Variants in C9orf43 observed in about 807,000 individuals in gnomAD.
The protein encoded by C9orf43 is chromosome 9 open reading frame 43, also known as uncharacterized protein C9orf43.
C9orf43 carries 45 observed loss-of-function variants against 59.1 expected under a neutral mutation model. That is an observed-to-expected ratio of 0.76 (90% CI 0.60 to 0.98). The LOEUF is 0.98. Ranked by LOEUF, C9orf43 falls within the 50% of genes least tolerant of loss-of-function variation. The pLI is 0.00. For missense variants in C9orf43, 533 were observed against 554.9 expected (o/e 0.96, Z 0.40); for synonymous variants, 203 against 196.8 (o/e 1.03, Z -0.26).
In C9orf43 at chr9:113,421,123, T is replaced by C. The variant is rs1172910779; in HGVS notation, c.366T>C (p.Asn122=). 1 of 1,613,726 alleles carries C rather than the reference T, an allele frequency of 6.2e-7. No homozygotes were observed. The highest frequency in any genetic ancestry group is 1.3e-5 in the African/African-American group (1 of 75,006). The stretch of plus-strand genomic sequence containing the variant: ...CTTAGTTTCCAGTGTTGAATTTGAA[T>C]GAGACGCAACTTCCCTGCCCTGAAG... ...RLPKFPVLNL[N]ETQLPCPEDV... is the part of the protein sequence containing the mutation. The change falls in exon 5 of 14, where the codon AAT becomes AAC. Residue 122 remains asparagine, a synonymous_variant. Coordinates refer to ENST00000374165, the MANE Select transcript of C9orf43 (RefSeq NM_001278629.2).
In C9orf43 at chr9:113,413,089, TG is replaced by T. The variant is rs544142188; in HGVS notation, c.-49-354del. 8.5e-5 allele frequency among the ~76,000 whole-genome samples: 13 copies of T among 152,350 alleles called. No homozygotes were observed. In the East Asian group the frequency reaches 2.3e-3, roughly 27 times the overall value. On this transcript the variant is annotated intron_variant, in intron 1 of 13. Transcript: ENST00000374165. Reference sequence around the variant, plus strand: ...AAAGGAAAGGATGCAAATATTTATTTGGAACAATATGCCAGGCTTTTAATAT... The same window carrying T: ...AAAGGAAAGGATGCAAATATTTATTTGAACAATATGCCAGGCTTTTAATAT...
chr9:113,414,351 T>G (rs1828280610), intron 3 of C9orf43, among the ~76,000 whole-genome samples: 1 of 152,056 alleles, frequency 6.6e-6, no homozygotes, highest in African/African-American at 2.4e-5. Flanking sequence ...CATAGCTCAC[T>G]GCAGCCTCAA....
chr9:113,425,960 G>T (rs112164673), intron 11 of C9orf43, among the ~76,000 whole-genome samples: 6,080 of 152,284 alleles, frequency 0.04, 168 homozygotes, highest in South Asian at 0.1. Context: ...GGGCTTGAAA[G>T]ATGACCATGA....
chr9:113,425,786 T>C, intron 11 of C9orf43, 56 bp downstream of exon 11: 1 of 1,386,886 alleles, frequency 7.2e-7, no homozygotes, highest in Non-Finnish European at 1.0e-6. Context: ...GGTAGGTATC[T>C]GAGGGCAGGA....
intron 4 of C9orf43, chr9:113,420,713 T>C: frequency 1.0e-6 from 1 of 970,822 alleles, no homozygotes; most frequent in Non-Finnish European, 1.2e-6. Context: ...CTTCTGTTTC[T>C]ATCAGTTCTC....
At chr9:113,428,807 T>C in intron 12 of C9orf43, 93 bp from the exon 13 acceptor site, 1 of 1,106,658 alleles carries the variant, frequency 9.0e-7, no homozygotes, top group Non-Finnish European at 1.4e-6. Flanking sequence ...TCATCTTAGA[T>C]GTTAATTTCT....
At chr9:113,414,099 G>T (rs1224340680) in intron 3 of C9orf43, among the ~76,000 whole-genome samples, 1 of 152,142 alleles carries the variant, frequency 6.6e-6, no homozygotes, top group East Asian at 1.9e-4. Context: ...GAGGTATATT[G>T]GTTCGGTAGG....
chr9:113,419,171 T>C lies in C9orf43; in HGVS notation c.345+6T>C. 11 of 1,601,850 alleles carry C rather than the reference T, an allele frequency of 6.9e-6. No individual in the cohort carries two copies. Among genetic ancestry groups the C allele is most frequent in the Non-Finnish European group, 9.4e-6 (11 of 1,173,200 alleles). On this transcript the variant is annotated splice_donor_region_variant and intron_variant, in intron 4 of 13. Transcript: ENST00000374165. Reference sequence around the variant, plus strand: ...GTACTAACAGACTTCCCAAAGTAAGTCATAGATTTTAAAAGTACTTCTTCA... The same window carrying C: ...GTACTAACAGACTTCCCAAAGTAAGCCATAGATTTTAAAAGTACTTCTTCA...
At chr9:113,416,321 C>T (rs1358178725) in intron 3 of C9orf43, among the ~76,000 whole-genome samples, 1 of 152,218 alleles carries the variant, frequency 6.6e-6, no homozygotes, top group Non-Finnish European at 1.5e-5. Flanking sequence ...TCAAACCTCC[C>T]AACTCTAGAC....
At chr9:113,416,063 A>G (rs1046001896) in intron 3 of C9orf43, among the ~76,000 whole-genome samples, 1 of 152,162 alleles carries the variant, frequency 6.6e-6, no homozygotes, top group Non-Finnish European at 1.5e-5. Flanking sequence ...TGCCTCCTCT[A>G]GTCATTTCCC....
In C9orf43 at chr9:113,423,497, G is replaced by A. The variant is rs200549177; in HGVS notation, c.655G>A (p.Glu219Lys). Residue 219 changes from glutamate (E) to lysine (K), a missense_variant and splice_region_variant, in exon 7 of 14, where the codon GAA becomes AAA. By Grantham distance (56) the Glu-to-Lys change is moderately conservative. Coordinates refer to ENST00000374165, the MANE Select transcript of C9orf43 (RefSeq NM_001278629.2). Reference protein sequence around the residue: ...SEALPQDLLKELLPGGKQTML... With the variant: ...SEALPQDLLKKLLPGGKQTML... ...AGCGTTACCTCAGGATCTACTGAAG[G>A]AGTAAGTATCATGTAGGTCTGTGGG... is the stretch of plus-strand genomic sequence containing the variant. The A allele has an allele frequency of 9.3e-6, 15 of 1,612,168 alleles. No homozygotes were observed. Among genetic ancestry groups the A allele is most frequent in the African/African-American group, 1.3e-5 (1 of 75,002 alleles).
In C9orf43 at chr9:113,421,054, A is replaced by C. The variant is rs1489689897; in HGVS notation, c.346-49A>C. The C allele has an allele frequency of 2.1e-6, 3 of 1,404,084 alleles. No individual in the cohort carries two copies. The Admixed American group carries it at 5.1e-5, about 24-fold the overall frequency. 87.0% of individuals were successfully genotyped at this position (1,404,084 alleles called of 1,614,324 possible). On this transcript the variant is annotated intron_variant, in intron 4 of 13. Coordinates refer to ENST00000374165, the MANE Select transcript of C9orf43 (RefSeq NM_001278629.2). ...GCTTAGCATATCCTTAATCTGATATAGGAGCTTAGCACCTCAAGCCATACA... is the reference window on the plus strand; with the variant it reads ...GCTTAGCATATCCTTAATCTGATATCGGAGCTTAGCACCTCAAGCCATACA...
At position 113,428,908 on chromosome 9, in the gene C9orf43, GGA is replaced by G. The variant is rs1258301735; in HGVS notation, c.1121_1122del (p.Arg374ThrfsTer7). The G allele has an allele frequency of 1.1e-5, 17 of 1,613,472 alleles. No individual in the cohort carries two copies. The highest frequency in any genetic ancestry group is 1.3e-5 in the Non-Finnish European group (15 of 1,179,586). ...KGTTSKQDSTERPKMNYYDHA... is the reference protein window; with the variant it reads ...KGTTSKQDSTXRPKMNYYDHA... The stretch of plus-strand genomic sequence containing the variant: ...ACCCCAATGAATTTCAGGATTCCAC[GGA>G]GAGACCAAAGATGAACTACTATGAC... On this transcript the variant is annotated frameshift_variant, in exon 13 of 14. Transcript: ENST00000374165. LOFTEE classifies it high-confidence loss of function.
chr9:113,425,450 C>T (rs1468498931), intron 10 of C9orf43, 30 bp downstream of exon 10: 4 of 1,599,702 alleles, frequency 2.5e-6, no homozygotes, highest in East Asian at 4.5e-5. Context: ...CTTGCTGGGA[C>T]TGGGAGAGGT....
chr9:113,425,241 G>A (rs1828743224), intron 9 of C9orf43, 103 bp from the exon 10 acceptor site: 2 of 1,558,740 alleles, frequency 1.3e-6, no homozygotes. Context: ...CTCTGGCTTG[G>A]TCCTTACCAG....
intron 13 of C9orf43, 45 bp downstream of exon 13, chr9:113,429,008 G>A (rs1828891893): frequency 6.4e-7 from 1 of 1,560,014 alleles, no homozygotes; most frequent in Non-Finnish European, 8.8e-7. Flanking sequence ...ACTGAGGATA[G>A]GGAGAGTTGA....
At chr9:113,422,808 T>C (rs1052153784) in intron 6 of C9orf43, among the ~76,000 whole-genome samples, 2 of 152,060 alleles carry the variant, frequency 1.3e-5, no homozygotes, top group Non-Finnish European at 2.9e-5. Context: ...CTTGAGATAA[T>C]AGGAGGAACT....
At chr9:113,424,004 G>A (rs549362381) in intron 7 of C9orf43, among the ~76,000 whole-genome samples, 162 bp from the exon 8 acceptor site, 52 of 152,184 alleles carry the variant, frequency 3.4e-4, no homozygotes, top group Non-Finnish European at 4.7e-4. Flanking sequence ...TATGATGATC[G>A]TAGTTGCATC....
At position 113,411,017 on chromosome 9, in the gene C9orf43, GTTAT is replaced by G. The variant is rs1460769817; in HGVS notation, c.-50+20_-50+23del. 3.1e-5 allele frequency: 31 copies of G among 985,276 alleles called. No individual in the cohort carries two copies. The highest frequency in any genetic ancestry group is 1.8e-4 in the Admixed American group (3 of 16,252). 61.0% of individuals were successfully genotyped at this position (985,276 alleles called of 1,614,324 possible). A position where few individuals can be genotyped will look rare whatever the true frequency, so the allele number is the denominator to read the frequency against. ...TGTAATAATGGTACTAAGACTGAGT[GTTAT>G]TTAGATTTTATTGTTGTTGTTTGTG... On this transcript the variant is annotated intron_variant, in intron 1 of 13. Coordinates refer to ENST00000374165, the MANE Select transcript of C9orf43 (RefSeq NM_001278629.2).
Sources: allele counts gnomAD v4.1 joint callset (sites outside exome capture counted in the v4.1 genomes callset), GRCh38; gene constraint gnomAD v4.1.1; transcripts MANE v1.5; gene names NCBI Gene and HGNC (gene_info 2026-07-23, HGNC 2026-07-21).